The following LRRC4C variants were observed in gnomAD, a reference collection of about 807,000 sequenced individuals.
LRRC4C encodes leucine rich repeat containing 4C, also known as leucine-rich repeat-containing protein 4C.
A neutral mutation model predicts 33.6 loss-of-function variants in LRRC4C; 5 were observed. That is an observed-to-expected ratio of 0.15 (90% CI 0.08 to 0.31). The LOEUF is 0.31. Ranked by LOEUF, LRRC4C falls within the 10% of genes least tolerant of loss-of-function variation. The pLI, the probability that LRRC4C is intolerant of heterozygous loss-of-function variation, is 1.00. For missense variants in LRRC4C, 560 were observed against 796.7 expected (o/e 0.70, Z 3.58); for synonymous variants, 329 against 302.0 (o/e 1.09, Z -0.93).
chr11:40,167,975 C>T (rs921559375), intron 5 of LRRC4C, among the ~76,000 whole-genome samples: 1 of 152,010 alleles, frequency 6.6e-6, no homozygotes, highest in Non-Finnish European at 1.5e-5. Flanking sequence ...ACCTGGGAGG[C>T]GGAGGTTGCA....
At chr11:41,459,341 T>A (rs1956266453) in intron 1 of LRRC4C, 90 bp downstream of exon 1, 1 of 152,018 alleles carries the variant, frequency 6.6e-6, no homozygotes, top group Non-Finnish European at 1.5e-5. Flanking sequence ...AATGAGCATA[T>A]AAACTGCATA....
At chr11:40,901,477 T>C (rs893810732) in intron 2 of LRRC4C, among the ~76,000 whole-genome samples, 1 of 152,128 alleles carries the variant, frequency 6.6e-6, no homozygotes, top group Non-Finnish European at 1.5e-5. Flanking sequence ...AGAATGTTTA[T>C]ACATACTGAA....
intron 2 of LRRC4C, among the ~76,000 whole-genome samples, chr11:40,785,968 T>C (rs1950396817): frequency 6.6e-6 from 1 of 152,126 alleles, no homozygotes; most frequent in African/African-American, 2.4e-5. Flanking sequence ...TTTGTTTTTG[T>C]TTTTTTCAGA....
At chr11:40,827,127 AC>A (rs1952199659) in intron 2 of LRRC4C, among the ~76,000 whole-genome samples, 1 of 151,750 alleles carries the variant, frequency 6.6e-6, no homozygotes, top group Non-Finnish European at 1.5e-5. Context: ...AACCACAACA[AC>A]CCGTTTCCAA....
At chr11:40,220,886 T>C (rs1380443768) in intron 5 of LRRC4C, among the ~76,000 whole-genome samples, 4 of 151,646 alleles carry the variant, frequency 2.6e-5, no homozygotes, top group African/African-American at 9.7e-5. Flanking sequence ...GGTTTTTTTT[T>C]TTTTCTTGAG....
rs1463906368 is a variant in LRRC4C at position 41,305,934 on chromosome 11, AAT to A, written c.-496+153495_-496+153496del. Among the ~76,000 whole-genome samples, 263 of 150,396 alleles carry A rather than the reference AAT, an allele frequency of 1.7e-3. 1 individual carries two copies. Among genetic ancestry groups the A allele is most frequent in the African/African-American group, 6.2e-3 (256 of 41,330 alleles). The stretch of plus-strand genomic sequence containing the variant: ...AAATTAAAAAAAAATAATAAAATAA[AAT>A]AAATAAATACTAAGGGAACTCAGAG... On this transcript the variant is annotated intron_variant, in intron 1 of 6. Transcript: ENST00000528697.
chr11:41,240,190 A>C (rs1948194288), intron 1 of LRRC4C, among the ~76,000 whole-genome samples: 1 of 152,214 alleles, frequency 6.6e-6, no homozygotes, highest in Non-Finnish European at 1.5e-5. Context: ...TTTTTTGTGT[A>C]TCATGAGATT....
At chr11:40,613,533 T>A (rs1291572986) in intron 3 of LRRC4C, among the ~76,000 whole-genome samples, 2 of 151,852 alleles carry the variant, frequency 1.3e-5, no homozygotes, top group East Asian at 3.9e-4. Flanking sequence ...TACTGAAGTC[T>A]TGAAGCCCTC....
intron 1 of LRRC4C, among the ~76,000 whole-genome samples, chr11:41,114,885 A>T (rs575350141): frequency 6.6e-6 from 1 of 152,188 alleles, no homozygotes; most frequent in Middle Eastern, 3.4e-3. Flanking sequence ...TAAGTTTTTC[A>T]AAAGTTCAAA....
At chr11:40,856,138 C>A (rs935813350) in intron 2 of LRRC4C, among the ~76,000 whole-genome samples, 1 of 152,044 alleles carries the variant, frequency 6.6e-6, no homozygotes, top group South Asian at 2.1e-4. Flanking sequence ...ACTGTATGAG[C>A]CATCCATTAC....
chr11:41,081,884 A>G (rs1408150718), intron 1 of LRRC4C, among the ~76,000 whole-genome samples: 1 of 152,182 alleles, frequency 6.6e-6, no homozygotes, highest in Non-Finnish European at 1.5e-5. Flanking sequence ...TTATGCATAA[A>G]AACGAGAGGG....
intron 3 of LRRC4C, among the ~76,000 whole-genome samples, chr11:40,513,918 A>G (rs1369097683): frequency 1.3e-5 from 2 of 152,200 alleles, no homozygotes; most frequent in African/African-American, 2.4e-5. Context: ...AGTAAAGTAT[A>G]TCTTAAAAGG....
chr11:40,236,107 C>T (rs1328560181), intron 5 of LRRC4C, among the ~76,000 whole-genome samples: 2 of 150,528 alleles, frequency 1.3e-5, no homozygotes, highest in East Asian at 3.9e-4. Context: ...AAAAAAAAAA[C>T]AGCTACCACA....
chr11:40,531,100 C>T (rs769442049), intron 3 of LRRC4C, among the ~76,000 whole-genome samples: 4 of 152,106 alleles, frequency 2.6e-5, no homozygotes, highest in Non-Finnish European at 5.9e-5. Flanking sequence ...TTCAGCCCAA[C>T]AGCCAGCTAC....
intron 3 of LRRC4C, among the ~76,000 whole-genome samples, chr11:40,534,068 C>T (rs1162778759): frequency 6.6e-6 from 1 of 152,066 alleles, no homozygotes; most frequent in East Asian, 1.9e-4. Context: ...ATCATGGTTC[C>T]ACCACTTATT....
At chr11:40,997,874 G>A (rs1232030922) in intron 1 of LRRC4C, among the ~76,000 whole-genome samples, 1 of 152,056 alleles carries the variant, frequency 6.6e-6, no homozygotes, top group African/African-American at 2.4e-5. Flanking sequence ...CCTTTTTAAG[G>A]TTTCTCACAT....
chr11:40,288,992 T>G (rs1944020298), intron 4 of LRRC4C, among the ~76,000 whole-genome samples: 1 of 152,218 alleles, frequency 6.6e-6, no homozygotes, highest in African/African-American at 2.4e-5. Context: ...AAATTTCATT[T>G]AAATATTATT....
chr11:40,758,748 G>C (rs1462865408), intron 2 of LRRC4C, among the ~76,000 whole-genome samples: 1 of 151,852 alleles, frequency 6.6e-6, no homozygotes, highest in Non-Finnish European at 1.5e-5. Context: ...GCATCAAACT[G>C]GTTCTTCCAT....
At chr11:40,118,377 G>T (rs993274169) in intron 6 of LRRC4C, among the ~76,000 whole-genome samples, 5 of 151,842 alleles carry the variant, frequency 3.3e-5, no homozygotes, top group African/African-American at 1.2e-4. Flanking sequence ...TAAGTAGTGG[G>T]CATATAAGGA....
Sources: allele counts gnomAD v4.1 joint callset (sites outside exome capture counted in the v4.1 genomes callset), GRCh38; gene constraint gnomAD v4.1.1; transcripts MANE v1.5; gene names NCBI Gene and HGNC (gene_info 2026-07-23, HGNC 2026-07-21).